SRBD1: variants seen among roughly 807,000 people sequenced by gnomAD.
SRBD1 encodes the protein S1 RNA-binding domain-containing protein 1.
A neutral mutation model predicts 115.3 loss-of-function variants in SRBD1; 88 were observed. The observed-to-expected ratio is 0.76, with a 90% CI of 0.64 to 0.91. SRBD1 has a LOEUF of 0.91. Among genes scored for constraint, SRBD1 ranks in the 40% least tolerant of loss-of-function variants. The pLI is 0.00. For missense variants in SRBD1, 1,385 were observed against 1,177.4 expected, an observed-to-expected ratio of 1.18 and a Z score of -2.58; for synonymous variants, 509 against 407.7, an observed-to-expected ratio of 1.25 and a Z score of -2.99.
chr2:45,402,331 T>A (rs534040787), intron 19 of SRBD1, among the ~76,000 whole-genome samples: 37 of 152,312 alleles, frequency 2.4e-4, no homozygotes, highest in South Asian at 1.7e-3. Context: ...AATAAATATT[T>A]TGCTATGTGA....
At chr2:45,512,246 A>G (rs1038479234) in intron 14 of SRBD1, among the ~76,000 whole-genome samples, 3 of 152,196 alleles carry the variant, frequency 2.0e-5, no homozygotes, top group African/African-American at 7.2e-5. Context: ...GTAATTGACT[A>G]TCATTTCTCC....
chr2:45,557,708 A>AGG (rs1373859241), intron 10 of SRBD1, among the ~76,000 whole-genome samples: 3 of 152,212 alleles, frequency 2.0e-5, no homozygotes, highest in Non-Finnish European at 2.9e-5. Flanking sequence ...TAGCATACTA[A>AGG]GGAACCTGAA....
chr2:45,416,661 A>G (rs1194261655), intron 18 of SRBD1, among the ~76,000 whole-genome samples: 2 of 152,222 alleles, frequency 1.3e-5, no homozygotes, highest in Non-Finnish European at 2.9e-5. Context: ...ACAAGGTGAC[A>G]TAACTGTAAA....
At chr2:45,537,531 G>A (rs1671802097) in intron 14 of SRBD1, among the ~76,000 whole-genome samples, 3 of 152,146 alleles carry the variant, frequency 2.0e-5, no homozygotes, top group South Asian at 2.1e-4. Flanking sequence ...CGAAACAGGA[G>A]TAATGGGATG....
At chr2:45,567,418 T>A (rs995779609) in intron 9 of SRBD1, among the ~76,000 whole-genome samples, 1 of 152,060 alleles carries the variant, frequency 6.6e-6, no homozygotes, top group Non-Finnish European at 1.5e-5. Flanking sequence ...AAGATGAGCC[T>A]GGGCAACATG....
chr2:45,444,563 T>C (rs1668763078), intron 16 of SRBD1, among the ~76,000 whole-genome samples: 1 of 152,230 alleles, frequency 6.6e-6, no homozygotes, highest in Non-Finnish European at 1.5e-5. Flanking sequence ...TGAATCCTTT[T>C]TGTTCATTAT....
chr2:45,574,319 G>T (rs1673110079), intron 8 of SRBD1, among the ~76,000 whole-genome samples: 1 of 152,160 alleles, frequency 6.6e-6, no homozygotes, highest in Non-Finnish European at 1.5e-5. Context: ...TAAAGGACAT[G>T]AATCTCTCTT....
intron 19 of SRBD1, among the ~76,000 whole-genome samples, chr2:45,400,818 G>C (rs924974971): frequency 1.4e-5 from 2 of 139,214 alleles, no homozygotes; most frequent in African/African-American, 4.9e-5. Context: ...CTGAGGTATA[G>C]AGAGGTTAAA....
chr2:45,460,945 CAA>C (rs1669294505), intron 16 of SRBD1, among the ~76,000 whole-genome samples: 1 of 152,192 alleles, frequency 6.6e-6, no homozygotes, highest in Non-Finnish European at 1.5e-5. Context: ...AAAGTAGATA[CAA>C]AGTCACCAGG....
At chr2:45,596,978 CCCACAA>C (rs1341060557) in intron 4 of SRBD1, among the ~76,000 whole-genome samples, 92 of 132,760 alleles carry the variant, frequency 6.9e-4, no homozygotes, top group African/African-American at 2.5e-3. Flanking sequence ...CACACCCACA[CCCACAA>C]CCCTCACACA....
intron 16 of SRBD1, among the ~76,000 whole-genome samples, chr2:45,465,010 C>CAT (rs1269774794): frequency 1.0e-5 from 1 of 100,318 alleles, no homozygotes; most frequent in Non-Finnish European, 2.1e-5. Flanking sequence ...TACACACACA[C>CAT]ACACACACAC....
rs908132136 is a variant in SRBD1 at position 45,592,893 on chromosome 2, G to C, written c.648+6556C>G. ...CTCAATCAGAAACTCTGGGGTGGGG[G>C]TTTAATAACGTGTGTTTGAGAAAAA... On this transcript the variant is annotated intron_variant, in intron 4 of 20. Transcript: ENST00000263736. Among the ~76,000 whole-genome samples, 5 of 152,134 alleles carry C rather than the reference G, an allele frequency of 3.3e-5. No individual in the cohort carries two copies. In the East Asian group the frequency reaches 9.7e-4, roughly 29 times the overall value.
intron 20 of SRBD1, among the ~76,000 whole-genome samples, chr2:45,392,702 C>T (rs79997686): frequency 0.029 from 4,478 of 152,262 alleles, 135 homozygotes; most frequent in African/African-American, 0.075. Flanking sequence ...TGATGCATTT[C>T]GTTTAGTAAA....
At chr2:45,549,100 T>C (rs557575201) in intron 12 of SRBD1, 1 of 152,302 alleles carries the variant, frequency 6.6e-6, no homozygotes, top group African/African-American at 2.4e-5. Flanking sequence ...CTGATCCCTA[T>C]GAACTCTTGA....
chr2:45,488,784 AT>A (rs1270700361), intron 14 of SRBD1, among the ~76,000 whole-genome samples: 112 of 152,236 alleles, frequency 7.4e-4, no homozygotes, highest in Non-Finnish European at 4.4e-5. Context: ...ATATGTGCAC[AT>A]GCAGACATAC....
intron 10 of SRBD1, among the ~76,000 whole-genome samples, chr2:45,559,108 A>G (rs1368892617): frequency 1.3e-5 from 2 of 152,082 alleles, no homozygotes; most frequent in Non-Finnish European, 2.9e-5. Context: ...GCCCAAATCT[A>G]TCTACTTATT....
Position 45,579,920 on chromosome 2 carries a change from G to T in SRBD1, c.1027C>A (p.Pro343Thr), listed in dbSNP as rs138516107. 6.2e-7 allele frequency: 1 copy of T among 1,609,828 alleles called. No homozygotes were observed. The highest frequency in any genetic ancestry group is 1.3e-5 in the African/African-American group (1 of 74,630). Residue 343 changes from proline to threonine, a missense_variant, in exon 7 of 21, where the codon CCA becomes ACA. Pro to Thr is a conservative substitution (Grantham distance 38, BLOSUM62 -1). Coordinates refer to ENST00000263736, the MANE Select transcript of SRBD1 (RefSeq NM_018079.5). ...EGAARALLEK[P>T]GELSLLSYIR... The stretch of plus-strand genomic sequence containing the variant: ...TACGATAGCAGACTGAGCTCCCCTG[G>T]TTTCTCAAGCAGTGCCCTGGCTGCT...
intron 16 of SRBD1, among the ~76,000 whole-genome samples, chr2:45,435,856 C>T (rs997826057): frequency 6.6e-5 from 10 of 152,210 alleles, no homozygotes; most frequent in African/African-American, 2.2e-4. Context: ...TATACCAATT[C>T]TCTATAATCT....
chr2:45,416,858 A>AC lies in SRBD1; in HGVS notation c.2333+1506_2333+1507insG, dbSNP rs566598059. 2.1e-3 allele frequency among the ~76,000 whole-genome samples: 314 copies of AC among 152,202 alleles called. 2 individuals carry two copies. Among genetic ancestry groups the AC allele is most frequent in the Middle Eastern group, 6.8e-3 (2 of 294 alleles). Reference sequence around the variant, plus strand: ...CAGCGGCATGATCTCGGCTCACTGCAACCTCCACCTCCTGGGTTCAGGCAA... The same window carrying AC: ...CAGCGGCATGATCTCGGCTCACTGCACACCTCCACCTCCTGGGTTCAGGCAA... On this transcript the variant is annotated intron_variant, in intron 18 of 20. Transcript: ENST00000263736.
Sources: allele counts gnomAD v4.1 joint callset (sites outside exome capture counted in the v4.1 genomes callset), GRCh38; gene constraint gnomAD v4.1.1; transcripts MANE v1.5; gene names NCBI Gene and HGNC (gene_info 2026-07-23, HGNC 2026-07-21).